SMG7: variants seen among roughly 807,000 people sequenced by gnomAD.
SMG7 encodes nonsense-mediated mRNA decay factor SMG7.
A neutral mutation model predicts 148.2 loss-of-function variants in SMG7; 34 were observed. The ratio of observed to expected loss-of-function variants is 0.23; its 90% CI spans 0.17 to 0.31. The LOEUF is 0.31. SMG7 is among the 10% of genes least tolerant of loss of function. The probability of loss-of-function intolerance (pLI) is 1.00; values close to 1 mark genes in which losing one functional copy is unlikely to be tolerated. For missense variants in SMG7, 1,114 were observed against 1,408.4 expected, an observed-to-expected ratio of 0.79 and a Z score of 3.35; for synonymous variants, 492 against 515.1, an observed-to-expected ratio of 0.96 and a Z score of 0.61.
At chr1:183,478,917 T>G (rs1226843107) in intron 1 of SMG7, among the ~76,000 whole-genome samples, 2 of 152,202 alleles carry the variant, frequency 1.3e-5, no homozygotes, top group African/African-American at 4.8e-5. Context: ...CATTAAAGTT[T>G]TGCAGTCAAG....
intron 6 of SMG7, among the ~76,000 whole-genome samples, chr1:183,528,375 A>G (rs1158727646): frequency 2.6e-5 from 4 of 152,084 alleles, no homozygotes; most frequent in Non-Finnish European, 2.9e-5. Flanking sequence ...CCCCAGAAAA[A>G]CAATCTATTA....
intron 1 of SMG7, among the ~76,000 whole-genome samples, chr1:183,507,250 T>C (rs1661138059): frequency 6.6e-6 from 1 of 152,212 alleles, no homozygotes; most frequent in Non-Finnish European, 1.5e-5. Context: ...GCTATATGTA[T>C]AATCAAGATA....
At chr1:183,511,799 C>T (rs184537052) in intron 1 of SMG7, among the ~76,000 whole-genome samples, 7 of 152,160 alleles carry the variant, frequency 4.6e-5, no homozygotes, top group Admixed American at 4.6e-4. Flanking sequence ...ATGAGAGTGG[C>T]TGAAGAAGAA....
rs1376276313 is a variant in SMG7, at chr1:183,472,778, C to T, written c.29+129C>T. 7.3e-6 allele frequency: 6 copies of T among 826,676 alleles called. No homozygotes were observed. In the East Asian group the frequency reaches 1.6e-4, roughly 23 times the overall value. The allele number at this position is 826,676 out of a possible 1,614,324, so 51.2% of individuals were successfully genotyped here. A position where few individuals can be genotyped will look rare whatever the true frequency, so the allele number is the denominator to read the frequency against. On this transcript the variant is annotated intron_variant, in intron 1 of 22. Transcript: ENST00000688051. ...GTCCTCTCCTCGCCGGGCAGGTCGG[C>T]GGAGACTGCAAGGGGATCTGCGGGA...
At chr1:183,485,216 T>C (rs566145045) in intron 1 of SMG7, among the ~76,000 whole-genome samples, 2 of 152,226 alleles carry the variant, frequency 1.3e-5, no homozygotes, top group Non-Finnish European at 2.9e-5. Context: ...TCTGTATCTG[T>C]ATAGTTTTAT....
In SMG7 at chr1:183,515,841, A is replaced by G. The variant is rs767206340; in HGVS notation, c.62-33A>G. Reference sequence around the variant, plus strand: ...TGGTTTTAACTGCTGGGGTTTATCTATCTACCGTTATGTTTTTGTTTTTGT... The same window carrying G: ...TGGTTTTAACTGCTGGGGTTTATCTGTCTACCGTTATGTTTTTGTTTTTGT... On this transcript the variant is annotated intron_variant, in intron 2 of 22. Transcript: ENST00000688051. 21 of 1,384,464 alleles carry G rather than the reference A, an allele frequency of 1.5e-5. No homozygotes were observed. In the Admixed American group the frequency reaches 1.7e-4, roughly 11 times the overall value. 85.8% of individuals were successfully genotyped at this position (1,384,464 alleles called of 1,614,324 possible).
rs1656553754 is a variant in SMG7, at chr1:183,490,048, C to T, written c.29+17399C>T. On this transcript the variant is annotated intron_variant, in intron 1 of 22. Coordinates refer to ENST00000688051, the MANE Select transcript of SMG7 (RefSeq NM_001375584.1). ...GCCCAGCAATCTGGGTGATCCAGGG[C>T]TAGTTTTTGAAAAAACACTGGTAAA... Among the ~76,000 whole-genome samples, 5 of 152,032 alleles carry T rather than the reference C, an allele frequency of 3.3e-5. No individual in the cohort carries two copies. In the South Asian group the frequency reaches 1.0e-3, roughly 31 times the overall value.
intron 4 of SMG7, among the ~76,000 whole-genome samples, chr1:183,525,703 T>C (rs1665698997): frequency 6.6e-6 from 1 of 152,048 alleles, no homozygotes; most frequent in Non-Finnish European, 1.5e-5. Context: ...TAGGCACACA[T>C]AGGCAGAAGA....
At chr1:183,487,290 T>C (rs1001252955) in intron 1 of SMG7, among the ~76,000 whole-genome samples, 9 of 152,178 alleles carry the variant, frequency 5.9e-5, no homozygotes, top group African/African-American at 1.7e-4. Context: ...TCAAAGCCAG[T>C]AGTCACATTA....
chr1:183,542,573 C>G (rs1289367063), intron 14 of SMG7, 71 bp downstream of exon 14: 1 of 1,357,840 alleles, frequency 7.4e-7, no homozygotes, highest in Non-Finnish European at 1.0e-6. Context: ...TCATTTTGTT[C>G]TAAAGCCATG....
rs140030385 is a variant in SMG7 at position 183,529,461 on chromosome 1, C to T, written c.771C>T (p.His257=). ...SDFIKAFIKF[H]GHVYLSKSLE... ...TCATCAAGGCCTTTATTAAATTCCA[C>T]GGTCATGTGTACCTGAGTAAGAGCT... is the stretch of plus-strand genomic sequence containing the variant. The change falls in exon 8 of 23, where the codon CAC becomes CAT. Residue 257 remains histidine, a synonymous_variant. Coordinates refer to ENST00000688051, the MANE Select transcript of SMG7 (RefSeq NM_001375584.1). 365 of 1,612,756 alleles carry T rather than the reference C, an allele frequency of 2.3e-4. No individual in the cohort carries two copies. Among genetic ancestry groups the T allele is most frequent in the Non-Finnish European group, 2.9e-4 (339 of 1,179,068 alleles).
intron 1 of SMG7, among the ~76,000 whole-genome samples, chr1:183,498,062 T>C (rs1658934550): frequency 6.6e-6 from 1 of 152,254 alleles, no homozygotes; most frequent in Admixed American, 6.5e-5. Flanking sequence ...GAGAATGTAC[T>C]ATTTGTACCA....
intron 1 of SMG7, among the ~76,000 whole-genome samples, chr1:183,504,382 C>A (rs1230171666): frequency 6.6e-6 from 1 of 151,946 alleles, no homozygotes; most frequent in African/African-American, 2.4e-5. Flanking sequence ...CTCTTGTTGT[C>A]CAGGCTGTAG....
intron 4 of SMG7, among the ~76,000 whole-genome samples, chr1:183,519,155 T>G (rs954137586): frequency 4.6e-5 from 7 of 152,150 alleles, no homozygotes; most frequent in African/African-American, 1.2e-4. Flanking sequence ...ATTGTGCCAC[T>G]GTACTCCAGC....
intron 1 of SMG7, among the ~76,000 whole-genome samples, chr1:183,489,536 G>A (rs1178866282): frequency 5.3e-5 from 8 of 152,012 alleles, no homozygotes; most frequent in Admixed American, 3.3e-4. Context: ...AAATAGTAGC[G>A]CTTTTAATGG....
At position 183,553,616 on chromosome 1, in the gene SMG7, CG is replaced by C. The variant is rs1173307420; in HGVS notation, c.*1686del. On this transcript the variant is annotated 3_prime_UTR_variant, in exon 23 of 23. Transcript: ENST00000688051. ...CAGAGAGAGTGGTTGGAGCCCCCCC[CG>C]CCCCGTATGCTTACATTATTGCTCT... The C allele has an allele frequency of 2.6e-4, 41 of 156,606 alleles. 3 individuals are homozygous for C. Among genetic ancestry groups the C allele is most frequent in the Non-Finnish European group, 3.1e-4 (22 of 72,030 alleles). 9.7% of individuals were successfully genotyped at this position (156,606 alleles called of 1,614,324 possible).
chr1:183,547,015 G>T, intron 17 of SMG7, 88 bp from the exon 18 acceptor site: 1 of 1,310,468 alleles, frequency 7.6e-7, no homozygotes. Flanking sequence ...CTTGACTTTA[G>T]TTGTCTTCTT....
intron 19 of SMG7, 62 bp downstream of exon 19, chr1:183,549,350 C>A: frequency 8.6e-7 from 1 of 1,158,560 alleles, no homozygotes; most frequent in Non-Finnish European, 1.3e-6. Flanking sequence ...TTGTCTTTCT[C>A]ATACTGTTTC....
At chr1:183,503,774 A>G (rs1450114261) in intron 1 of SMG7, among the ~76,000 whole-genome samples, 5 of 152,190 alleles carry the variant, frequency 3.3e-5, no homozygotes, top group Non-Finnish European at 5.9e-5. Context: ...TATATAACTT[A>G]CTTGTCTTAT....
Sources: allele counts gnomAD v4.1 joint callset (sites outside exome capture counted in the v4.1 genomes callset), GRCh38; gene constraint gnomAD v4.1.1; transcripts MANE v1.5; gene names NCBI Gene and HGNC (gene_info 2026-07-23, HGNC 2026-07-21).